Variants in STK31 observed in about 807,000 individuals in gnomAD.
STK31 encodes serine/threonine-protein kinase 31.
A neutral mutation model predicts 129.7 loss-of-function variants in STK31; 89 were observed. The ratio of observed to expected loss-of-function variants is 0.69; its 90% CI spans 0.58 to 0.82. STK31 has a LOEUF of 0.82. Among genes scored for constraint, STK31 ranks in the 40% least tolerant of loss-of-function variants. The pLI, the probability that STK31 is intolerant of heterozygous loss-of-function variation, is 0.00. For synonymous variants in STK31, 448 were observed against 395.3 expected (o/e 1.13, Z -1.58); for missense variants, 1,187 against 1,176.4 (o/e 1.01, Z -0.13).
At chr7:23,823,471 G>C (rs1793916676) in intron 23 of STK31, among the ~76,000 whole-genome samples, 1 of 151,874 alleles carries the variant, frequency 6.6e-6, no homozygotes, top group Non-Finnish European at 1.5e-5. Context: ...AAATTTGTTT[G>C]AGTTCATTGT....
At chr7:23,763,082 T>C (rs1789569182) in intron 11 of STK31, among the ~76,000 whole-genome samples, 159 bp downstream of exon 11, 2 of 152,218 alleles carry the variant, frequency 1.3e-5, no homozygotes, top group African/African-American at 2.4e-5. Flanking sequence ...TAAAAGTTTA[T>C]ATTAATATAT....
chr7:23,711,784 A>G (rs4722256), intron 1 of STK31, among the ~76,000 whole-genome samples: 38,844 of 152,116 alleles, frequency 0.26, 5,377 homozygotes, highest in East Asian at 0.38. Flanking sequence ...TTCTAAAAAA[A>G]GAATATGTAC....
At chr7:23,826,218 A>G (rs1052796586) in intron 23 of STK31, among the ~76,000 whole-genome samples, 1 of 151,910 alleles carries the variant, frequency 6.6e-6, no homozygotes, top group African/African-American at 2.4e-5. Flanking sequence ...TCCCATTATT[A>G]TTGTGTGGGA....
chr7:23,759,729 C>T (rs780668833), intron 10 of STK31, among the ~76,000 whole-genome samples: 39 of 152,192 alleles, frequency 2.6e-4, no homozygotes, highest in Admixed American at 1.1e-3. Flanking sequence ...TACTAGGCAA[C>T]ATTATTTATG....
At chr7:23,815,091 A>C in intron 22 of STK31, 53 bp from the exon 23 acceptor site, 1 of 1,316,662 alleles carries the variant, frequency 7.6e-7, no homozygotes, top group Non-Finnish European at 1.1e-6. Context: ...ACTCTTCTAT[A>C]GATTGGCGTA....
chr7:23,756,849 C>A (rs144504064), intron 10 of STK31, among the ~76,000 whole-genome samples: 2 of 152,056 alleles, frequency 1.3e-5, no homozygotes, highest in Non-Finnish European at 2.9e-5. Flanking sequence ...TGGACTTGAT[C>A]GTGGTGGGTA....
At position 23,832,174 on chromosome 7, in the gene STK31, T is replaced by C. The variant is rs764216036; in HGVS notation, c.2868T>C (p.Cys956=). The C allele has an allele frequency of 1.9e-6, 3 of 1,614,140 alleles. No individual in the cohort carries two copies. In the East Asian group the frequency reaches 6.7e-5, roughly 36 times the overall value. ...KVKSLLCSLI[C]YRSSMTAEQV... ...AATCCCTCCTCTGTAGCTTGATATG[T>C]TATAGAAGTTCAATGACTGCTGAAC... Residue 956 remains cysteine (C), a synonymous_variant, in exon 24 of 24, where the codon TGT becomes TGC. Coordinates refer to ENST00000355870, the MANE Select transcript of STK31 (RefSeq NM_031414.5).
chr7:23,785,781 C>T (rs1214969391), intron 18 of STK31, among the ~76,000 whole-genome samples, 178 bp downstream of exon 18: 1 of 149,830 alleles, frequency 6.7e-6, no homozygotes, highest in Non-Finnish European at 1.5e-5. Flanking sequence ...TAAAGTTTCC[C>T]TCAATTGAAC....
At chr7:23,771,899 T>C (rs1034601426) in intron 14 of STK31, 11 of 244,708 alleles carry the variant, frequency 4.5e-5, no homozygotes, top group Non-Finnish European at 7.0e-5. Flanking sequence ...TTTTATTGTA[T>C]GTCTCAGTTT....
intron 15 of STK31, among the ~76,000 whole-genome samples, chr7:23,779,559 G>A (rs923642688): frequency 2.0e-5 from 3 of 152,164 alleles, no homozygotes; most frequent in Non-Finnish European, 2.9e-5. Context: ...CTAGAGAGGC[G>A]GTCTGGCTAC....
chr7:23,826,616 T>C (rs1225933778), intron 23 of STK31, among the ~76,000 whole-genome samples: 2 of 152,208 alleles, frequency 1.3e-5, no homozygotes, highest in African/African-American at 2.4e-5. Context: ...TTAATATTGT[T>C]ATGTGTGAAT....
At chr7:23,831,465 T>C (rs1794541237) in intron 23 of STK31, among the ~76,000 whole-genome samples, 1 of 152,214 alleles carries the variant, frequency 6.6e-6, no homozygotes, top group Non-Finnish European at 1.5e-5. Flanking sequence ...GGAACATCTT[T>C]TCCCATCTTT....
intron 8 of STK31, among the ~76,000 whole-genome samples, chr7:23,745,563 T>C (rs1204714569): frequency 6.6e-6 from 1 of 152,164 alleles, no homozygotes; most frequent in African/African-American, 2.4e-5. Flanking sequence ...TGTGTGAAAA[T>C]GTGCAGCAGC....
intron 15 of STK31, among the ~76,000 whole-genome samples, chr7:23,774,602 A>G (rs568516196): frequency 1.5e-3 from 223 of 152,236 alleles, no homozygotes; most frequent in Non-Finnish European, 2.3e-3. Context: ...GTCTGTTCAT[A>G]TCCTTTGCCC....
Position 23,786,869 on chromosome 7 carries a change from A to G in STK31, c.2432A>G (p.Tyr811Cys), listed in dbSNP as rs1562601970. ...CCTATGGCTTATCTGATGGTCCCAT[A>G]CTACCCTAGGGCAAACCTGAATGCT... is the stretch of plus-strand genomic sequence containing the variant. The part of the protein sequence containing the change: ...SDPMAYLMVP[Y>C]YPRANLNAVQ... Residue 811 changes from tyrosine (Y) to cysteine (C), a missense_variant, in exon 20 of 24, where the codon TAC becomes TGC. Around this residue, in one of 5 missense-constraint regions of STK31, gnomAD observed 975 missense variants for 934.9 expected, o/e 1.04. Coordinates refer to ENST00000355870, the MANE Select transcript of STK31 (RefSeq NM_031414.5). The G allele has an allele frequency of 1.9e-6, 3 of 1,613,974 alleles. No individual in the cohort carries two copies. The highest frequency in any genetic ancestry group is 2.2e-5 in the East Asian group (1 of 44,868).
intron 1 of STK31, 56 bp downstream of exon 1, chr7:23,710,391 G>T: frequency 1.9e-6 from 3 of 1,612,166 alleles, no homozygotes; most frequent in South Asian, 1.1e-5. Flanking sequence ...GACTATTTTC[G>T]TCGCTGCTTG....
intron 6 of STK31, among the ~76,000 whole-genome samples, chr7:23,730,870 A>ATTTTTTTTTTTTTTTTTTTTT (rs1263694532): frequency 2.2e-5 from 1 of 45,302 alleles, no homozygotes; most frequent in Admixed American, 3.7e-4. Flanking sequence ...ATATATATAT[A>ATTTTTTTTTTTTTTTTTTTTT]TATATATATT....
In STK31 at chr7:23,737,083, G is replaced by C. The variant is rs1009747293; in HGVS notation, c.1017+5G>C. On this transcript the variant is annotated splice_donor_5th_base_variant and intron_variant, in intron 8 of 23. Transcript: ENST00000355870. ...CAGATTGCCCAGGAGCTGCAGGTAT[G>C]TTCAGTGGCTTAAGGTGAAGAGTGT... 8 of 1,595,756 alleles carry C rather than the reference G, an allele frequency of 5.0e-6. No individual in the cohort carries two copies. The highest frequency in any genetic ancestry group is 6.8e-6 in the Non-Finnish European group (8 of 1,175,410).
At chr7:23,770,191 T>G (rs997532902) in intron 13 of STK31, among the ~76,000 whole-genome samples, 3 of 152,168 alleles carry the variant, frequency 2.0e-5, no homozygotes, top group African/African-American at 7.2e-5. Flanking sequence ...ATTGTGTATA[T>G]TCTTTGTTAC....
Sources: allele counts gnomAD v4.1 joint callset (sites outside exome capture counted in the v4.1 genomes callset), GRCh38; gene constraint gnomAD v4.1.1; regional missense constraint gnomAD v4.1.1; transcripts MANE v1.5; gene names NCBI Gene and HGNC (gene_info 2026-07-23, HGNC 2026-07-21).